Variants in B3GALT1 observed in about 807,000 individuals in gnomAD.
The protein encoded by B3GALT1 is beta-1,3-galactosyltransferase 1.
B3GALT1 carries 10 observed loss-of-function variants against 23.2 expected under a neutral mutation model. The observed-to-expected ratio is 0.43, with a 90% CI of 0.27 to 0.73. B3GALT1 has a LOEUF of 0.73. Among genes scored for constraint, B3GALT1 ranks in the 30% least tolerant of loss-of-function variants. The pLI, the probability that B3GALT1 is intolerant of heterozygous loss-of-function variation, is 0.21. For synonymous variants in B3GALT1, 156 were observed against 141.5 expected, an observed-to-expected ratio of 1.10 and a Z score of -0.73; for missense variants, 299 against 405.4, an observed-to-expected ratio of 0.74 and a Z score of 2.25.
intron 1 of B3GALT1, among the ~76,000 whole-genome samples, chr2:167,473,851 G>A (rs573241091): frequency 6.6e-6 from 1 of 152,242 alleles, no homozygotes; most frequent in Admixed American, 6.5e-5. Context: ...CACATTTATT[G>A]CTTCAAGAAC....
At position 167,653,435 on chromosome 2, in the gene B3GALT1, A is replaced by G. The variant is rs185103526; in HGVS notation, c.-352+6469A>G. ...CCGTGCCCATGATGATCTCACTGTT[A>G]ATTATTTTTTAATAAGTAGCTTCAC... On this transcript the variant is annotated intron_variant, in intron 3 of 4. Coordinates refer to ENST00000392690, the MANE Select transcript of B3GALT1 (RefSeq NM_020981.4). 3.6e-4 allele frequency among the ~76,000 whole-genome samples: 55 copies of G among 152,112 alleles called. 1 individual carries two copies. The highest frequency in any genetic ancestry group is 1.2e-3 in the African/African-American group (51 of 41,418).
chr2:167,691,368 G>T (rs116430127), intron 3 of B3GALT1, among the ~76,000 whole-genome samples: 2 of 151,944 alleles, frequency 1.3e-5, no homozygotes, highest in Non-Finnish European at 2.9e-5. Context: ...TACCTGTTTT[G>T]CTCACAACTA....
chr2:167,430,224 G>A (rs1698687045), intron 1 of B3GALT1, among the ~76,000 whole-genome samples: 1 of 152,162 alleles, frequency 6.6e-6, no homozygotes, highest in East Asian at 1.9e-4. Context: ...GAGCAGAATG[G>A]ACTGTTTATG....
intron 2 of B3GALT1, among the ~76,000 whole-genome samples, chr2:167,610,175 C>T (rs191071081): frequency 4.1e-4 from 62 of 152,106 alleles, no homozygotes; most frequent in Admixed American, 1.9e-3. Flanking sequence ...GAAAGACTAA[C>T]CTTTTGCTCC....
chr2:167,314,026 A>G (rs1044519799), intron 1 of B3GALT1, among the ~76,000 whole-genome samples: 1 of 152,086 alleles, frequency 6.6e-6, no homozygotes, highest in Non-Finnish European at 1.5e-5. Context: ...GCATCACTGG[A>G]TGGGAGATTG....
chr2:167,347,963 G>A (rs1697250705), intron 1 of B3GALT1, among the ~76,000 whole-genome samples: 1 of 152,132 alleles, frequency 6.6e-6, no homozygotes, highest in Non-Finnish European at 1.5e-5. Flanking sequence ...AGTGACACAA[G>A]TTTTAGAGTT....
intron 1 of B3GALT1, among the ~76,000 whole-genome samples, chr2:167,356,753 A>G (rs964081636): frequency 6.6e-6 from 1 of 151,960 alleles, no homozygotes; most frequent in Non-Finnish European, 1.5e-5. Context: ...ATATATACAT[A>G]TATGTACACA....
intron 1 of B3GALT1, among the ~76,000 whole-genome samples, chr2:167,428,299 G>A (rs868391921): frequency 6.6e-6 from 1 of 152,194 alleles, no homozygotes; most frequent in African/African-American, 2.4e-5. Context: ...ATCCTCATGG[G>A]AGAAAAGTAT....
intron 1 of B3GALT1, among the ~76,000 whole-genome samples, chr2:167,303,468 G>T (rs1468403748): frequency 6.6e-6 from 1 of 152,012 alleles, no homozygotes; most frequent in Non-Finnish European, 1.5e-5. Flanking sequence ...GGTATGTCTG[G>T]GAGAATACCT....
chr2:167,401,398 G>T (rs1056597175), intron 1 of B3GALT1, among the ~76,000 whole-genome samples: 1 of 152,060 alleles, frequency 6.6e-6, no homozygotes, highest in African/African-American at 2.4e-5. Flanking sequence ...TGTGAATTCT[G>T]TGTAGAGTTC....
At chr2:167,787,839 G>A (rs1558979145) in intron 3 of B3GALT1, among the ~76,000 whole-genome samples, 1 of 152,234 alleles carries the variant, frequency 6.6e-6, no homozygotes, top group Non-Finnish European at 1.5e-5. Context: ...TCAGAGATGA[G>A]TACTGTTCAG....
Position 167,804,854 on chromosome 2 carries a change from G to C in B3GALT1, c.-351-13818G>C, listed in dbSNP as rs181494994. Among the ~76,000 whole-genome samples the C allele has an allele frequency of 2.8e-3, 425 of 152,330 alleles. 8 individuals are homozygous for C. Among genetic ancestry groups the C allele is most frequent in the East Asian group, 0.016 (82 of 5,186 alleles). On this transcript the variant is annotated intron_variant, in intron 3 of 4. Coordinates refer to ENST00000392690, the MANE Select transcript of B3GALT1 (RefSeq NM_020981.4). ...TGGGTATATACCCAGTAATGGGATT[G>C]CTGGGTCAAACGGTATTTCTAGTTC...
chr2:167,567,008 A>C (rs1377319466), intron 2 of B3GALT1, among the ~76,000 whole-genome samples: 1 of 152,218 alleles, frequency 6.6e-6, no homozygotes, highest in Non-Finnish European at 1.5e-5. Context: ...GGAAAATAGC[A>C]CAGAGAATTA....
chr2:167,322,974 A>C (rs781599101), intron 1 of B3GALT1, among the ~76,000 whole-genome samples: 1 of 152,072 alleles, frequency 6.6e-6, no homozygotes, highest in African/African-American at 2.4e-5. Context: ...CTTAGAATTT[A>C]TCACTTTTGG....
At chr2:167,565,742 A>G (rs1684149088) in intron 2 of B3GALT1, among the ~76,000 whole-genome samples, 1 of 152,262 alleles carries the variant, frequency 6.6e-6, no homozygotes, top group Non-Finnish European at 1.5e-5. Flanking sequence ...CAAAAGGCAC[A>G]TGAAAAAATG....
At chr2:167,326,538 G>GTTTTTTTTTTTTTTTTTTTTTTTTTTT (rs1553512131) in intron 1 of B3GALT1, among the ~76,000 whole-genome samples, 1 of 151,498 alleles carries the variant, frequency 6.6e-6, no homozygotes, top group East Asian at 2.0e-4. Flanking sequence ...TTTTTCTATG[G>GTTTTTTTTTTTTTTTTTTTTTTTTTTT]TTTTGTCTGG....
chr2:167,569,631 C>T (rs763459995), intron 2 of B3GALT1, among the ~76,000 whole-genome samples: 11 of 151,824 alleles, frequency 7.2e-5, no homozygotes, highest in Non-Finnish European at 1.2e-4. Flanking sequence ...CTTCTTCCTT[C>T]CCAATCTGTA....
intron 1 of B3GALT1, among the ~76,000 whole-genome samples, chr2:167,462,559 A>G (rs371142789): frequency 6.6e-6 from 1 of 152,160 alleles, no homozygotes; most frequent in African/African-American, 2.4e-5. Context: ...TGGCAGCTGT[A>G]TCCATCTTTA....
At chr2:167,670,616 A>G (rs1686307751) in intron 3 of B3GALT1, among the ~76,000 whole-genome samples, 1 of 152,338 alleles carries the variant, frequency 6.6e-6, no homozygotes, top group Non-Finnish European at 1.5e-5. Context: ...TTGTTTTAAG[A>G]AAGTTTAGCA....
Sources: allele counts gnomAD v4.1 joint callset (sites outside exome capture counted in the v4.1 genomes callset), GRCh38; gene constraint gnomAD v4.1.1; transcripts MANE v1.5; gene names NCBI Gene and HGNC (gene_info 2026-07-23, HGNC 2026-07-21).